MS4A5: variants seen among roughly 807,000 people sequenced by gnomAD.
MS4A5 encodes the protein membrane spanning 4-domains A5.
MS4A5 carries 15 observed loss-of-function variants against 18.2 expected under a neutral mutation model. The ratio of observed to expected loss-of-function variants is 0.83; its 90% CI spans 0.55 to 1.27. The LOEUF (loss-of-function observed/expected upper bound fraction) is 1.27. Among genes scored for constraint, MS4A5 ranks in the 50% most tolerant of loss-of-function variants. The probability of loss-of-function intolerance (pLI) is 0.00; values close to 1 mark genes in which losing one functional copy is unlikely to be tolerated. For synonymous variants in MS4A5, 89 were observed against 78.7 expected (o/e 1.13, Z -0.69); for missense variants, 232 against 225.7 (o/e 1.03, Z -0.18).
chr11:60,441,479 A>AAAGGAGAT (rs1213582147), intron 4 of MS4A5, among the ~76,000 whole-genome samples: 30 of 149,674 alleles, frequency 2.0e-4, no homozygotes, highest in African/African-American at 7.1e-4. Flanking sequence ...AAAAAAAAAG[A>AAAGGAGAT]AAGGAGATAA....
At chr11:60,447,274 C>CCTATGCTATG (rs368321160) in intron 4 of MS4A5, among the ~76,000 whole-genome samples, 1 of 133,636 alleles carries the variant, frequency 7.5e-6, no homozygotes, top group South Asian at 2.5e-4. Flanking sequence ...CCTATGGTAT[C>CCTATGCTATG]CTATGCTATG....
chr11:60,436,897 G>T (rs1277444966), intron 4 of MS4A5, among the ~76,000 whole-genome samples: 1 of 132,620 alleles, frequency 7.5e-6, no homozygotes, highest in African/African-American at 2.6e-5. Context: ...GCAGGCCAAC[G>T]TTCAGATTCA....
chr11:60,435,555 C>T (rs532331004), intron 4 of MS4A5: 27 of 366,092 alleles, frequency 7.4e-5, no homozygotes, highest in Admixed American at 1.5e-4. Context: ...AGACAGTGGG[C>T]GCAGGTCAGT....
chr11:60,447,307 G>GTGCTA (rs1198924754), intron 4 of MS4A5, among the ~76,000 whole-genome samples: 21,331 of 139,496 alleles, frequency 0.15, 1,795 homozygotes, highest in African/African-American at 0.2. Context: ...ATCCTATGCT[G>GTGCTA]TGCTATGCTA....
intron 2 of MS4A5, among the ~76,000 whole-genome samples, chr11:60,431,732 G>A (rs1590830244): frequency 6.6e-6 from 1 of 152,326 alleles, no homozygotes; most frequent in South Asian, 2.1e-4. Context: ...CCAAGTGTAA[G>A]GATTAGGGAT....
chr11:60,429,660 A>G lies in MS4A5; in HGVS notation c.-15A>G. 1 of 1,602,092 alleles carries G rather than the reference A, an allele frequency of 6.2e-7. No individual in the cohort carries two copies. Among genetic ancestry groups the G allele is most frequent in the Non-Finnish European group, 8.5e-7 (1 of 1,176,244 alleles). On this transcript the variant is annotated 5_prime_UTR_variant, in exon 1 of 5. Coordinates refer to ENST00000300190, the MANE Select transcript of MS4A5 (RefSeq NM_023945.3). ...CAACTAAATCATCTCCTTTCAAATT[A>G]TCACCGACACCATCATGGATTCAAG...
At chr11:60,429,921 T>A (rs1357949417) in intron 1 of MS4A5, 94 bp downstream of exon 1, 8 of 1,183,958 alleles carry the variant, frequency 6.8e-6, no homozygotes, top group Non-Finnish European at 9.4e-6. Flanking sequence ...AGGAGCCTAT[T>A]CCAATTCTTC....
intron 4 of MS4A5, among the ~76,000 whole-genome samples, chr11:60,437,454 T>G (rs2086086602): frequency 1.3e-5 from 2 of 151,766 alleles, no homozygotes; most frequent in South Asian, 2.1e-4. Flanking sequence ...GACTAAATGC[T>G]CCAATTAATA....
rs769038818 is a variant in MS4A5, at chr11:60,432,400, C to T, written c.283-11C>T. On this transcript the variant is annotated splice_polypyrimidine_tract_variant and intron_variant, in intron 2 of 4. Transcript: ENST00000300190. Reference sequence around the variant, plus strand: ...CATGGTCATCATTAACATATTTATTCCTCTTAACAGTTCATTAATTCTGGA... The same window carrying T: ...CATGGTCATCATTAACATATTTATTTCTCTTAACAGTTCATTAATTCTGGA... The T allele has an allele frequency of 2.1e-5, 33 of 1,554,290 alleles. 1 individual carries two copies. Among genetic ancestry groups the T allele is most frequent in the Middle Eastern group, 3.4e-4 (2 of 5,952 alleles).
At chr11:60,434,934 C>T (rs750791) in intron 4 of MS4A5, among the ~76,000 whole-genome samples, 7,320 of 152,250 alleles carry the variant, frequency 0.048, 583 homozygotes, top group African/African-American at 0.17. Context: ...TAGGCTACTA[C>T]GCTCTTCAGG....
intron 4 of MS4A5, among the ~76,000 whole-genome samples, chr11:60,434,193 A>C (rs567108502): frequency 9.1e-4 from 139 of 152,232 alleles, no homozygotes; most frequent in African/African-American, 3.2e-3. Flanking sequence ...TAAAAAAAAA[A>C]GGTACAGCAG....
At chr11:60,435,579 C>G (rs1011279888) in intron 4 of MS4A5, 6 of 305,644 alleles carry the variant, frequency 2.0e-5, no homozygotes, top group Admixed American at 9.0e-5. Context: ...TGCGTGCACC[C>G]TGCGCGAGCC....
intron 4 of MS4A5, among the ~76,000 whole-genome samples, chr11:60,436,148 C>A (rs892637256): frequency 6.6e-6 from 1 of 151,712 alleles, no homozygotes. Flanking sequence ...CTGGGAGGCA[C>A]CCCCCAGCAG....
At chr11:60,441,616 T>A in intron 4 of MS4A5, among the ~76,000 whole-genome samples, 1 of 95,594 alleles carries the variant, frequency 1.0e-5, no homozygotes. Context: ...AATAAAAATG[T>A]CAAGACTTGA....
chr11:60,444,518 ATCTC>A (rs1374249624), intron 4 of MS4A5, among the ~76,000 whole-genome samples: 1 of 152,136 alleles, frequency 6.6e-6, no homozygotes, highest in Non-Finnish European at 1.5e-5. Context: ...CTCTATATAT[ATCTC>A]TCTCTCACAA....
At chr11:60,439,735 T>C in intron 4 of MS4A5, among the ~76,000 whole-genome samples, 1 of 26,626 alleles carries the variant, frequency 3.8e-5, no homozygotes, top group Non-Finnish European at 8.4e-5. Flanking sequence ...GAAGGACCTC[T>C]TCAAGGAGAA....
chr11:60,444,001 A>T (rs2086127136), intron 4 of MS4A5, among the ~76,000 whole-genome samples: 1 of 152,234 alleles, frequency 6.6e-6, no homozygotes, highest in Admixed American at 6.5e-5. Flanking sequence ...CTCTCAAAAA[A>T]GAAAAAGCAA....
rs1210157282 is a variant in MS4A5 at position 60,429,594 on chromosome 11, A to G, written c.-81A>G. 2 of 1,334,940 alleles carry G rather than the reference A, an allele frequency of 1.5e-6. No homozygotes were observed. The highest frequency in any genetic ancestry group is 1.5e-5 in the African/African-American group (1 of 67,740). 82.7% of individuals were successfully genotyped at this position (1,334,940 alleles called of 1,614,324 possible). ...AGCAAACAATTCCAGTGCTCCAGGC[A>G]GCCTCAGCACAAGAAAAGAACATGG... On this transcript the variant is annotated 5_prime_UTR_variant, in exon 1 of 5. Coordinates refer to ENST00000300190, the MANE Select transcript of MS4A5 (RefSeq NM_023945.3).
At position 60,435,227 on chromosome 11, in the gene MS4A5, C is replaced by T. The variant is rs373182496; in HGVS notation, c.492+1310C>T. ...AACATTCATTAATCTTAATAAATTC[C>T]CATCAAATTTTCCATTGAAAATTAA... On this transcript the variant is annotated intron_variant, in intron 4 of 4. Coordinates refer to ENST00000300190, the MANE Select transcript of MS4A5 (RefSeq NM_023945.3). Among the ~76,000 whole-genome samples, 282 of 151,984 alleles carry T rather than the reference C, an allele frequency of 1.9e-3. 10 individuals are homozygous for T. Among genetic ancestry groups the T allele is most frequent in the Middle Eastern group, 0.014 (4 of 294 alleles).
Sources: allele counts gnomAD v4.1 joint callset (sites outside exome capture counted in the v4.1 genomes callset), GRCh38; gene constraint gnomAD v4.1.1; transcripts MANE v1.5; gene names NCBI Gene and HGNC (gene_info 2026-07-23, HGNC 2026-07-21).